ZFHX3: variants seen among roughly 807,000 people sequenced by gnomAD.
The protein encoded by ZFHX3 is zinc finger homeobox 3, also known as zinc finger homeobox protein 3.
ZFHX3 carries 42 observed loss-of-function variants against 279.1 expected under a neutral mutation model. The observed-to-expected ratio is 0.15, with a 90% CI of 0.12 to 0.19. The LOEUF is 0.19. Ranked by LOEUF, ZFHX3 falls within the 10% of genes least tolerant of loss-of-function variation. ZFHX3 has a pLI of 1.00. For synonymous variants in ZFHX3, 2,293 were observed against 1,957.8 expected (o/e 1.17, Z -4.52); for missense variants, 4,981 against 4,754.0 (o/e 1.05, Z -1.40).
At chr16:73,638,162 C>A (rs181744434) in intron 2 of ZFHX3, among the ~76,000 whole-genome samples, 2 of 152,082 alleles carry the variant, frequency 1.3e-5, no homozygotes, top group East Asian at 3.9e-4. Flanking sequence ...GAATTTTATT[C>A]CATGGAAATA....
Position 73,111,553 on chromosome 16 carries a change from T to G in ZFHX3, c.-896-17955A>C, listed in dbSNP as rs933040315. On this transcript the variant is annotated intron_variant, in intron 7 of 17. Transcript: ENST00000641206. ...AACTGCCAAGCTTTGCTGTTTATCC[T>G]AAGTCTTTACAGATTCCATATTCTC... is the stretch of plus-strand genomic sequence containing the variant. Among the ~76,000 whole-genome samples the G allele has an allele frequency of 8.7e-5, 13 of 149,734 alleles. 1 individual carries two copies. The highest frequency in any genetic ancestry group is 2.7e-4 in the Admixed American group (4 of 15,026).
chr16:73,143,813 G>A (rs1966853816), exon 6 of ZFHX3: 1 of 1,302,024 alleles, frequency 7.7e-7, no homozygotes, highest in Non-Finnish European at 1.0e-6. Context: ...TCTGGGGGTT[G>A]TAACTTATAT....
intron 4 of ZFHX3, among the ~76,000 whole-genome samples, chr16:72,839,592 C>G (rs534402508): frequency 1.3e-5 from 2 of 151,980 alleles, no homozygotes; most frequent in East Asian, 3.9e-4. Context: ...AGAGAGGAAA[C>G]AGTAATGTCT....
At chr16:73,643,549 C>A (rs968785040) in intron 2 of ZFHX3, among the ~76,000 whole-genome samples, 2 of 152,200 alleles carry the variant, frequency 1.3e-5, no homozygotes, top group African/African-American at 4.8e-5. Context: ...TTGAACTATG[C>A]TTTAAACTCA....
chr16:73,174,863 C>CAAAAAAAAAAAAAAA (rs34447211), intron 5 of ZFHX3, among the ~76,000 whole-genome samples: 1 of 86,828 alleles, frequency 1.2e-5, no homozygotes, highest in African/African-American at 4.1e-5. Context: ...ACTAAAAATA[C>CAAAAAAAAAAAAAAA]AAAAAAAAAA....
At chr16:73,421,711 C>T (rs527403551) in intron 3 of ZFHX3, among the ~76,000 whole-genome samples, 29 of 152,246 alleles carry the variant, frequency 1.9e-4, no homozygotes, top group Non-Finnish European at 4.0e-4. Context: ...GCACTTGTGG[C>T]AGAACCTAGG....
At chr16:73,325,639 C>T (rs1024986912) in intron 3 of ZFHX3, among the ~76,000 whole-genome samples, 1 of 152,002 alleles carries the variant, frequency 6.6e-6, no homozygotes, top group Non-Finnish European at 1.5e-5. Flanking sequence ...CTACAACATT[C>T]AAAGATCAAT....
chr16:73,143,865 G>A, intron 5 of ZFHX3: 3 of 1,107,226 alleles, frequency 2.7e-6, no homozygotes, highest in Non-Finnish European at 3.6e-6. Context: ...AAACACGGTT[G>A]GGGAGATGTT....
rs181958765 is a variant in ZFHX3, at chr16:73,453,722, T to C, written c.-1291+2281A>G. Among the ~76,000 whole-genome samples the C allele has an allele frequency of 6.2e-4, 94 of 152,352 alleles. 1 individual carries two copies. The highest frequency in any genetic ancestry group is 1.7e-3 in the Admixed American group (26 of 15,304). ...AATTTATAAAGAAAAAGAGGTTTCATGGACTCACAGTTCCACATGGCTGGG... is the reference window on the plus strand; with the variant it reads ...AATTTATAAAGAAAAAGAGGTTTCACGGACTCACAGTTCCACATGGCTGGG... On this transcript the variant is annotated intron_variant, in intron 3 of 17. Transcript: ENST00000641206.
chr16:73,524,435 T>C (rs1270765030), intron 2 of ZFHX3, among the ~76,000 whole-genome samples: 4 of 152,148 alleles, frequency 2.6e-5, no homozygotes, highest in South Asian at 2.1e-4. Context: ...TGACAACATA[T>C]GCACGGGATG....
chr16:72,805,772 T>C (rs1019014018), intron 7 of ZFHX3, among the ~76,000 whole-genome samples: 1 of 152,148 alleles, frequency 6.6e-6, no homozygotes, highest in Non-Finnish European at 1.5e-5. Context: ...GCCAGTAGAG[T>C]TTCAGAGTTG....
chr16:73,402,235 A>G (rs895687112), intron 3 of ZFHX3: 1 of 152,212 alleles, frequency 6.6e-6, no homozygotes, highest in Non-Finnish European at 1.5e-5. Flanking sequence ...AAGGATCTGT[A>G]AACAAAGCTT....
Position 72,840,569 on chromosome 16 carries a change from C to T in ZFHX3, c.3449-10710G>A, listed in dbSNP as rs531815214. ...TCTGACCATCGAAACAAATGGCACA[C>T]AACAGAGAAAAATAAAACCATGACT... On this transcript the variant is annotated intron_variant, in intron 4 of 9. Transcript: ENST00000268489. Among the ~76,000 whole-genome samples, 5 of 152,270 alleles carry T rather than the reference C, an allele frequency of 3.3e-5. No homozygotes were observed. The South Asian group carries it at 8.3e-4, about 25-fold the overall frequency.
chr16:73,101,868 T>C (rs1966235840), intron 7 of ZFHX3, among the ~76,000 whole-genome samples: 1 of 151,192 alleles, frequency 6.6e-6, no homozygotes, highest in Non-Finnish European at 1.5e-5. Flanking sequence ...CACCTCACTC[T>C]AGCTGGGTGC....
At chr16:72,976,056 G>C (rs1170628674) in intron 1 of ZFHX3, among the ~76,000 whole-genome samples, 1 of 152,314 alleles carries the variant, frequency 6.6e-6, no homozygotes, top group South Asian at 2.1e-4. Context: ...GATCAATGTA[G>C]ATCAAGACCC....
At chr16:72,950,368 G>A in intron 3 of ZFHX3, 101 bp downstream of exon 3, 1 of 1,526,862 alleles carries the variant, frequency 6.5e-7, no homozygotes, top group Non-Finnish European at 8.8e-7. Flanking sequence ...AGCAGGCCAT[G>A]CCAGAGACTG....
At chr16:73,654,811 T>A (rs1397639466) in intron 2 of ZFHX3, among the ~76,000 whole-genome samples, 8 of 148,742 alleles carry the variant, frequency 5.4e-5, no homozygotes, top group South Asian at 2.1e-4. Flanking sequence ...AATAATTTTT[T>A]AAAAAAACAA....
rs558876205 is a variant in ZFHX3, at chr16:73,694,260, T to C, written c.-1607-14020A>G. On this transcript the variant is annotated intron_variant, in intron 1 of 17. Coordinates refer to the ZFHX3 transcript ENST00000641206. ...ATCGCTTGAACTGGGGAGGCAGAGG[T>C]TGCAGTGAGCCAAGATCACACCACT... is the stretch of plus-strand genomic sequence containing the variant. Among the ~76,000 whole-genome samples the C allele has an allele frequency of 2.6e-5, 4 of 152,134 alleles. No individual in the cohort carries two copies. The East Asian group carries it at 7.8e-4, about 30-fold the overall frequency.
chr16:73,374,155 G>T (rs1156911578), intron 3 of ZFHX3, among the ~76,000 whole-genome samples: 1 of 152,174 alleles, frequency 6.6e-6, no homozygotes, highest in African/African-American at 2.4e-5. Flanking sequence ...CAGGAAAAAC[G>T]TGAAGCAAAA....
Sources: gnomAD v4.1 joint callset for allele counts (sites outside exome capture counted in the v4.1 genomes callset) on GRCh38, gnomAD v4.1.1 for gene constraint, MANE v1.5 for transcripts, NCBI Gene and HGNC (gene_info 2026-07-23, HGNC 2026-07-21) for gene names.